The following UMAD1 variants were observed in gnomAD, a reference collection of about 807,000 sequenced individuals.
UMAD1 encodes the protein UBAP1-MVB12-associated (UMA)-domain containing protein 1.
Under a neutral mutation model 6.1 loss-of-function variants are expected in UMAD1, and 8 were observed. That is an observed-to-expected ratio of 1.30 (90% confidence interval 0.76 to 2.35). UMAD1 has a LOEUF of 2.35. Ranked by LOEUF, UMAD1 falls within the 30% of genes most tolerant of loss-of-function variation. The pLI, the probability that UMAD1 is intolerant of heterozygous loss-of-function variation, is 0.00. For synonymous variants in UMAD1, 56 were observed against 31.4 expected (o/e 1.78, Z -2.61); for missense variants, 130 against 78.4 (o/e 1.66, Z -2.49).
chr7:7,839,467 G>A (rs11981397), intron 3 of UMAD1, among the ~76,000 whole-genome samples: 1,828 of 152,194 alleles, frequency 0.012, 19 homozygotes, highest in Middle Eastern at 0.044. Flanking sequence ...CTCTTGCCTC[G>A]GCCACCAAAC....
chr7:7,863,367 T>A (rs1381041778), intron 3 of UMAD1, among the ~76,000 whole-genome samples: 1 of 152,208 alleles, frequency 6.6e-6, no homozygotes, highest in Non-Finnish European at 1.5e-5. Context: ...CATACAAATG[T>A]TATTTGTTAT....
chr7:7,693,295 T>TTATCTATCTATCTATCTATCTATC (rs1250261083), intron 2 of UMAD1, among the ~76,000 whole-genome samples: 35 of 148,996 alleles, frequency 2.3e-4, no homozygotes, highest in East Asian at 5.9e-4. Flanking sequence ...TAAAATATCT[T>TTATCTATCTATCTATCTATCTATC]TATCTATCTA....
At chr7:7,806,298 C>T (rs965490243) in intron 3 of UMAD1, among the ~76,000 whole-genome samples, 16 of 151,748 alleles carry the variant, frequency 1.1e-4, no homozygotes, top group African/African-American at 3.4e-4. Flanking sequence ...CACAATGCAG[C>T]TGAAACCTTG....
intron 3 of UMAD1, among the ~76,000 whole-genome samples, chr7:7,869,861 G>A (rs751805610): frequency 1.3e-5 from 2 of 152,148 alleles, no homozygotes; most frequent in Non-Finnish European, 2.9e-5. Flanking sequence ...TCACAAGGAT[G>A]CCACTAACCT....
chr7:7,663,863 T>G (rs1338664197), intron 1 of UMAD1, among the ~76,000 whole-genome samples: 1 of 152,192 alleles, frequency 6.6e-6, no homozygotes, highest in Non-Finnish European at 1.5e-5. Flanking sequence ...TCCTACAGAT[T>G]TATAAAATAG....
At chr7:7,677,549 C>T (rs1779773210) in intron 2 of UMAD1, among the ~76,000 whole-genome samples, 1 of 152,052 alleles carries the variant, frequency 6.6e-6, no homozygotes, top group South Asian at 2.1e-4. Flanking sequence ...ACATGATCTC[C>T]TCTAGTACCA....
Position 7,877,639 on chromosome 7 carries a change from C to G in UMAD1, c.*101C>G. ...CCGTTTCACTGTTTAAGGTCCTCAG[C>G]AAGGATCATAAAGCAAAGAAAATAG... On this transcript the variant is annotated 3_prime_UTR_variant, in exon 4 of 4. Coordinates refer to ENST00000682710, the MANE Select transcript of UMAD1 (RefSeq NM_001302348.2). The G allele has an allele frequency of 1.6e-6, 1 of 635,054 alleles. No individual in the cohort carries two copies. The highest frequency in any genetic ancestry group is 2.4e-5 in the Admixed American group (1 of 41,960). 39.3% of individuals were successfully genotyped at this position (635,054 alleles called of 1,614,324 possible). A position where few individuals can be genotyped will look rare whatever the true frequency, so the allele number is the denominator to read the frequency against.
intron 2 of UMAD1, among the ~76,000 whole-genome samples, chr7:7,732,954 A>C (rs2115193974): frequency 6.6e-6 from 1 of 152,330 alleles, no homozygotes; most frequent in East Asian, 1.9e-4. Context: ...TTTCATATTA[A>C]ATTGTGTGAA....
rs1305025590 is a variant in UMAD1, at chr7:7,699,266, T to C, written c.82+25813T>C. On this transcript the variant is annotated intron_variant, in intron 2 of 3. Transcript: ENST00000682710. ...TCTTATCAGACTCATTTTAATAATATAACAGATTTAATTTTTAGTTTTCAT... is the reference window on the plus strand; with the variant it reads ...TCTTATCAGACTCATTTTAATAATACAACAGATTTAATTTTTAGTTTTCAT... Among the ~76,000 whole-genome samples, 40 of 152,172 alleles carry C rather than the reference T, an allele frequency of 2.6e-4. 2 individuals are homozygous for C. The highest frequency in any genetic ancestry group is 2.6e-3 in the Admixed American group (40 of 15,268).
intron 2 of UMAD1, among the ~76,000 whole-genome samples, chr7:7,733,194 A>G (rs1563163485): frequency 6.6e-6 from 1 of 151,884 alleles, no homozygotes; most frequent in Admixed American, 6.6e-5. Context: ...TTGGATGGAA[A>G]CTCCAGAATC....
Position 7,695,237 on chromosome 7 carries a change from C to T in UMAD1, c.82+21784C>T, listed in dbSNP as rs527524808. Among the ~76,000 whole-genome samples the T allele has an allele frequency of 2.6e-5, 4 of 152,260 alleles. No homozygotes were observed. In the South Asian group the frequency reaches 8.3e-4, roughly 32 times the overall value. ...AGAGAAAATCACTGTTGCTGCCAACCAAGTAGCCGTGCAATAATTTGTTTA... is the reference window on the plus strand; with the variant it reads ...AGAGAAAATCACTGTTGCTGCCAACTAAGTAGCCGTGCAATAATTTGTTTA... On this transcript the variant is annotated intron_variant, in intron 2 of 3. Transcript: ENST00000682710.
At chr7:7,783,908 A>T (rs951197247) in intron 2 of UMAD1, among the ~76,000 whole-genome samples, 6 of 152,358 alleles carry the variant, frequency 3.9e-5, no homozygotes, top group South Asian at 2.1e-4. Flanking sequence ...ACTCTAATTC[A>T]GTACATTCAC....
chr7:7,659,399 G>T (rs1356012516), intron 1 of UMAD1, among the ~76,000 whole-genome samples: 1 of 151,822 alleles, frequency 6.6e-6, no homozygotes, highest in African/African-American at 2.4e-5. Context: ...ATGACGTTAG[G>T]GTGTCGATTT....
chr7:7,754,755 A>AT (rs1263645686), intron 2 of UMAD1, among the ~76,000 whole-genome samples: 2 of 152,084 alleles, frequency 1.3e-5, no homozygotes, highest in Admixed American at 6.5e-5. Context: ...TTGTGGATTT[A>AT]TTTTTTTCAG....
intron 2 of UMAD1, chr7:7,736,323 A>G (rs1289799955): frequency 6.5e-6 from 1 of 152,950 alleles, no homozygotes; most frequent in Admixed American, 6.5e-5. Context: ...TTTCTTCCTT[A>G]TAAGTACCAG....
At chr7:7,683,357 A>T (rs930518497) in intron 2 of UMAD1, among the ~76,000 whole-genome samples, 1 of 152,124 alleles carries the variant, frequency 6.6e-6, no homozygotes, top group East Asian at 1.9e-4. Flanking sequence ...AGTTCTCCAG[A>T]TGATTCTAGA....
chr7:7,768,337 C>T (rs1056235108), intron 2 of UMAD1, among the ~76,000 whole-genome samples: 2 of 152,146 alleles, frequency 1.3e-5, no homozygotes, highest in Non-Finnish European at 2.9e-5. Flanking sequence ...GGGATTTCCT[C>T]ATTTCTTAAC....
intron 2 of UMAD1, among the ~76,000 whole-genome samples, chr7:7,707,523 A>G (rs77523964): frequency 7.0e-4 from 107 of 152,328 alleles, no homozygotes; most frequent in African/African-American, 2.5e-3. Flanking sequence ...TGATTTTGTA[A>G]AAGTGAAATT....
intron 1 of UMAD1, among the ~76,000 whole-genome samples, chr7:7,662,863 A>G (rs188641593): frequency 6.7e-4 from 102 of 152,290 alleles, no homozygotes; most frequent in African/African-American, 2.2e-3. Context: ...TAAAAGAAAG[A>G]TATAATGATT....
Sources: allele counts gnomAD v4.1 joint callset (sites outside exome capture counted in the v4.1 genomes callset), GRCh38; gene constraint gnomAD v4.1.1; transcripts MANE v1.5; gene names NCBI Gene and HGNC (gene_info 2026-07-23, HGNC 2026-07-21).